Variants in TRDN observed in about 807,000 individuals in gnomAD.
TRDN encodes the protein triadin in skeletal muscle.
Under a neutral mutation model 149.7 loss-of-function variants are expected in TRDN, and 161 were observed. The observed-to-expected ratio is 1.08, with a 90% CI of 0.95 to 1.23. The LOEUF is 1.23. TRDN is among the 50% of genes most tolerant of loss of function. TRDN has a pLI of 0.00. For missense variants in TRDN, 896 were observed against 823.5 expected (o/e 1.09, Z -1.08); for synonymous variants, 294 against 250.5 (o/e 1.17, Z -1.64).
At chr6:123,561,688 A>G (rs1471763502) in intron 2 of TRDN, among the ~76,000 whole-genome samples, 1 of 152,072 alleles carries the variant, frequency 6.6e-6, no homozygotes. Flanking sequence ...ACAAAACCGT[A>G]TCCAGGCCAT....
intron 18 of TRDN, 34 bp downstream of exon 18, chr6:123,377,682 G>T: frequency 6.2e-7 from 1 of 1,612,390 alleles, no homozygotes; most frequent in Non-Finnish European, 8.5e-7. Flanking sequence ...CTGGACATGA[G>T]TATTCGGAAT....
At chr6:123,416,708 T>TTTC (rs1365435110) in intron 12 of TRDN, among the ~76,000 whole-genome samples, 1 of 151,496 alleles carries the variant, frequency 6.6e-6, no homozygotes, top group Non-Finnish European at 1.5e-5. Context: ...CTTTTTTTCT[T>TTTC]TTTTTTTAGT....
chr6:123,498,077 C>T (rs1021967742), intron 8 of TRDN: 2 of 155,672 alleles, frequency 1.3e-5, no homozygotes, highest in African/African-American at 4.8e-5. Flanking sequence ...ACTCAAAGCT[C>T]AATTGATGAA....
In TRDN at chr6:123,278,365, C is replaced by T; in HGVS notation, c.1538-18G>A. On this transcript the variant is annotated intron_variant, in intron 25 of 40. Coordinates refer to ENST00000334268, the MANE Select transcript of TRDN (RefSeq NM_006073.4). ...TTGTAGTTCTAAAAATATAGATGAA[C>T]ATTAGTAACAATGATTATAGAAAGA... is the stretch of plus-strand genomic sequence containing the variant. 2 of 1,252,790 alleles carry T rather than the reference C, an allele frequency of 1.6e-6. No individual in the cohort carries two copies. Among genetic ancestry groups the T allele is most frequent in the Non-Finnish European group, 2.2e-6 (2 of 925,528 alleles). The allele number at this position is 1,252,790 out of a possible 1,614,324, so 77.6% of individuals were successfully genotyped here.
chr6:123,599,305 T>C lies in TRDN; in HGVS notation c.23-28173A>G, dbSNP rs548629086. ...GATATGATCATTGGGGTTATATAAC[T>C]GAGAATATAAGCCCTGGAGGCTTAG... is the stretch of plus-strand genomic sequence containing the variant. On this transcript the variant is annotated intron_variant, in intron 1 of 40. Coordinates refer to ENST00000334268, the MANE Select transcript of TRDN (RefSeq NM_006073.4). Among the ~76,000 whole-genome samples the C allele has an allele frequency of 1.1e-4, 17 of 151,700 alleles. 1 individual carries two copies. The highest frequency in any genetic ancestry group is 6.8e-3 in the Middle Eastern group (2 of 294).
chr6:123,329,650 T>C (rs1779589740), intron 23 of TRDN, among the ~76,000 whole-genome samples: 1 of 152,016 alleles, frequency 6.6e-6, no homozygotes, highest in African/African-American at 2.4e-5. Context: ...GGCTGGTTGT[T>C]TGGAACAAAA....
intron 12 of TRDN, among the ~76,000 whole-genome samples, chr6:123,428,304 G>T (rs572573246): frequency 3.3e-5 from 5 of 152,238 alleles, no homozygotes; most frequent in Non-Finnish European, 7.4e-5. Flanking sequence ...TACTGCTCAA[G>T]TTTTTATTTG....
intron 8 of TRDN, chr6:123,502,229 T>C (rs928403039): frequency 4.1e-6 from 4 of 976,744 alleles, no homozygotes; most frequent in Admixed American, 6.2e-5. Context: ...TTTACCACAG[T>C]AAAATATTAT....
At chr6:123,221,231 A>G (rs1775136402) in intron 40 of TRDN, among the ~76,000 whole-genome samples, 1 of 151,798 alleles carries the variant, frequency 6.6e-6, no homozygotes, top group African/African-American at 2.4e-5. Flanking sequence ...AAGGATCAGA[A>G]ATATGTAGAA....
At chr6:123,502,042 A>G in intron 8 of TRDN, 1 of 984,260 alleles carries the variant, frequency 1.0e-6, no homozygotes, top group Non-Finnish European at 1.2e-6. Context: ...ACATTTCCAA[A>G]TATAACTGGC....
At chr6:123,519,469 T>A (rs1779566894) in intron 5 of TRDN, among the ~76,000 whole-genome samples, 1 of 99,040 alleles carries the variant, frequency 1.0e-5, no homozygotes, top group Non-Finnish European at 2.2e-5. Flanking sequence ...TGCCTGACCC[T>A]GTGGTTTTTT....
At chr6:123,516,680 A>T (rs1779424972) in intron 5 of TRDN, among the ~76,000 whole-genome samples, 1 of 152,136 alleles carries the variant, frequency 6.6e-6, no homozygotes, top group Non-Finnish European at 1.5e-5. Context: ...TTTAAAAAAT[A>T]TACTGGAATA....
chr6:123,383,198 G>A lies in TRDN; in HGVS notation c.1136-1051C>T, dbSNP rs527575876. ...TGAAGAAAGGGAACTAAAATGTTTG[G>A]ATATGACAATGGACTCATTGTCTCT... On this transcript the variant is annotated intron_variant, in intron 14 of 40. Coordinates refer to ENST00000334268, the MANE Select transcript of TRDN (RefSeq NM_006073.4). 2.2e-3 allele frequency among the ~76,000 whole-genome samples: 341 copies of A among 152,134 alleles called. 2 individuals are homozygous for A. Among genetic ancestry groups the A allele is most frequent in the African/African-American group, 7.8e-3 (325 of 41,554 alleles).
chr6:123,618,198 T>C (rs1785199593), intron 1 of TRDN, among the ~76,000 whole-genome samples: 2 of 152,200 alleles, frequency 1.3e-5, no homozygotes, highest in African/African-American at 2.4e-5. Context: ...CACAAATTTA[T>C]CTTACAATTC....
In TRDN at chr6:123,438,325, C is replaced by T. The variant is rs6922593; in HGVS notation, c.992-203G>A. ...TATAATTTCTCTTCAGGAAACAGAA[C>T]TTTTTTTTTTTTGCCAAAGGCAAAA... is the stretch of plus-strand genomic sequence containing the variant. On this transcript the variant is annotated intron_variant, in intron 11 of 40. Coordinates refer to ENST00000334268, the MANE Select transcript of TRDN (RefSeq NM_006073.4). Among the ~76,000 whole-genome samples, 43,398 of 147,302 alleles carry T rather than the reference C, an allele frequency of 0.29. 6,546 individuals carry two copies. The highest frequency in any genetic ancestry group is 0.4 in the South Asian group (1,911 of 4,722).
At chr6:123,547,467 T>C (rs1781171844) in intron 3 of TRDN, 95 bp from the exon 4 acceptor site, 1 of 737,384 alleles carries the variant, frequency 1.4e-6, no homozygotes, top group Non-Finnish European at 2.0e-6. Context: ...TTTAAAAAAA[T>C]CTATTAGTTT....
chr6:123,295,593 C>A (rs960165619), intron 24 of TRDN, among the ~76,000 whole-genome samples: 4 of 152,050 alleles, frequency 2.6e-5, no homozygotes, highest in Admixed American at 2.6e-4. Context: ...TGATAGGTAT[C>A]TTAATTAAGT....
At chr6:123,542,887 T>C (rs915733496) in intron 4 of TRDN, among the ~76,000 whole-genome samples, 22 of 144,126 alleles carry the variant, frequency 1.5e-4, no homozygotes, top group African/African-American at 5.4e-4. Context: ...TGTGTGTGTG[T>C]CTGTCTGTCT....
In TRDN at chr6:123,218,297, C is replaced by T. The variant is rs149831389; in HGVS notation, c.*304G>A. The T allele has an allele frequency of 1.5e-5, 3 of 195,536 alleles. No homozygotes were observed. Among genetic ancestry groups the T allele is most frequent in the Non-Finnish European group, 1.0e-5 (1 of 97,052 alleles). The allele number at this position is 195,536 out of a possible 1,614,324, so 12.1% of individuals were successfully genotyped here. On this transcript the variant is annotated 3_prime_UTR_variant, in exon 41 of 41. Coordinates refer to ENST00000334268, the MANE Select transcript of TRDN (RefSeq NM_006073.4). ...AATTGTGTCAATTATTTTAAAGATA[C>T]CATTATTAAGTAAACTTTAAATTAG...
Sources: allele counts gnomAD v4.1 joint callset (sites outside exome capture counted in the v4.1 genomes callset), GRCh38; gene constraint gnomAD v4.1.1; transcripts MANE v1.5; gene names NCBI Gene and HGNC (gene_info 2026-07-23, HGNC 2026-07-21).